CDKAL1: variants seen among roughly 807,000 people sequenced by gnomAD.
CDKAL1 encodes the protein threonylcarbamoyladenosine tRNA methylthiotransferase.
A neutral mutation model predicts 68.2 loss-of-function variants in CDKAL1; 32 were observed. The observed-to-expected ratio is 0.47, with a 90% CI of 0.35 to 0.63. The LOEUF (loss-of-function observed/expected upper bound fraction) is 0.63. Among genes scored for constraint, CDKAL1 ranks in the 30% least tolerant of loss-of-function variants. The pLI, the probability that CDKAL1 is intolerant of heterozygous loss-of-function variation, is 0.00. For missense variants in CDKAL1, 606 were observed against 696.7 expected (o/e 0.87, Z 1.47); for synonymous variants, 234 against 244.3 (o/e 0.96, Z 0.39).
chr6:20,855,605 A>C (rs1759294982), intron 9 of CDKAL1, among the ~76,000 whole-genome samples: 1 of 151,896 alleles, frequency 6.6e-6, no homozygotes, highest in Non-Finnish European at 1.5e-5. Context: ...GCTGTAAAGG[A>C]CTCCTGTTAT....
At chr6:20,937,327 A>T (rs907529284) in intron 9 of CDKAL1, among the ~76,000 whole-genome samples, 1 of 152,172 alleles carries the variant, frequency 6.6e-6, no homozygotes, top group Non-Finnish European at 1.5e-5. Context: ...GGATCAAGTG[A>T]TCATCCCTCC....
intron 15 of CDKAL1, among the ~76,000 whole-genome samples, chr6:21,212,774 T>A (rs1779200649): frequency 6.6e-6 from 1 of 152,236 alleles, no homozygotes. Context: ...AGCAGTGTTT[T>A]AAATTTAAAG....
At chr6:20,763,994 C>T (rs1418201903) in intron 7 of CDKAL1, among the ~76,000 whole-genome samples, 5 of 152,200 alleles carry the variant, frequency 3.3e-5, no homozygotes, top group South Asian at 2.1e-4. Flanking sequence ...AGAAATACAG[C>T]GTCTAGTGGA....
intron 8 of CDKAL1, among the ~76,000 whole-genome samples, chr6:20,785,147 T>G (rs1045522295): frequency 6.6e-6 from 1 of 152,106 alleles, no homozygotes; most frequent in Non-Finnish European, 1.5e-5. Context: ...ATTAAGAAAA[T>G]TTAATCCATA....
chr6:20,659,262 C>T (rs532968678), intron 5 of CDKAL1, among the ~76,000 whole-genome samples: 1 of 152,154 alleles, frequency 6.6e-6, no homozygotes, highest in African/African-American at 2.4e-5. Context: ...TTAAATAATA[C>T]TATAGTTTGT....
intron 13 of CDKAL1, among the ~76,000 whole-genome samples, chr6:21,191,925 C>G (rs1277504492): frequency 6.8e-6 from 1 of 146,948 alleles, no homozygotes; most frequent in Non-Finnish European, 1.5e-5. Flanking sequence ...CGCCTTCCTT[C>G]ACTTTAGTGA....
chr6:21,036,055 C>T (rs1169102897), intron 11 of CDKAL1, among the ~76,000 whole-genome samples: 1 of 152,112 alleles, frequency 6.6e-6, no homozygotes, highest in Non-Finnish European at 1.5e-5. Flanking sequence ...GTGGTTTGAT[C>T]TCAGAAAATA....
intron 15 of CDKAL1, among the ~76,000 whole-genome samples, chr6:21,224,661 C>A (rs1779671047): frequency 1.3e-5 from 2 of 152,184 alleles, no homozygotes; most frequent in Non-Finnish European, 2.9e-5. Flanking sequence ...CCTGGAGCCT[C>A]CAGAAGAATG....
At chr6:20,623,688 T>C (rs1216565963) in intron 4 of CDKAL1, among the ~76,000 whole-genome samples, 1 of 152,116 alleles carries the variant, frequency 6.6e-6, no homozygotes, top group Admixed American at 6.6e-5. Flanking sequence ...AAGTCATGGT[T>C]TCTGAAATAA....
intron 13 of CDKAL1, among the ~76,000 whole-genome samples, chr6:21,146,572 C>T (rs1347554956): frequency 1.3e-5 from 2 of 152,088 alleles, no homozygotes; most frequent in African/African-American, 2.4e-5. Flanking sequence ...TAAATTTGGC[C>T]CGGCGTGGTG....
chr6:21,016,736 T>A (rs1768362084), intron 11 of CDKAL1, among the ~76,000 whole-genome samples: 1 of 151,998 alleles, frequency 6.6e-6, no homozygotes, highest in South Asian at 2.1e-4. Context: ...TTGGACTTCC[T>A]CCTTACCTTC....
At position 20,739,601 on chromosome 6, in the gene CDKAL1, C is replaced by T. The variant is rs777494340; in HGVS notation, c.454C>T (p.Leu152=). Residue 152 remains leucine, a synonymous_variant, in exon 6 of 16, where the codon CTG becomes TTG. Coordinates refer to ENST00000274695, the MANE Select transcript of CDKAL1 (RefSeq NM_017774.3). ...GCCTCGCCAGGACTACCTTAAGGGA[C>T]TGAGTATCATTGGGGTAAGCTTGTA... ...AQPRQDYLKG[L]SIIGVQQIDR... The T allele has an allele frequency of 1.2e-6, 2 of 1,607,264 alleles. No individual in the cohort carries two copies. The highest frequency in any genetic ancestry group is 1.7e-6 in the Non-Finnish European group (2 of 1,174,546).
At chr6:21,230,596 A>T (rs1779927696) in intron 15 of CDKAL1, among the ~76,000 whole-genome samples, 1 of 152,082 alleles carries the variant, frequency 6.6e-6, no homozygotes, top group Non-Finnish European at 1.5e-5. Flanking sequence ...TTTTCTATAA[A>T]CACGGCCCGT....
intron 9 of CDKAL1, among the ~76,000 whole-genome samples, chr6:20,865,496 A>T (rs1385229485): frequency 7.2e-5 from 11 of 152,132 alleles, no homozygotes; most frequent in Non-Finnish European, 1.6e-4. Flanking sequence ...GCCAAGCAAA[A>T]CTTCTAGGCT....
chr6:20,862,895 T>G (rs1759719884), intron 9 of CDKAL1, among the ~76,000 whole-genome samples: 1 of 151,986 alleles, frequency 6.6e-6, no homozygotes, highest in South Asian at 2.1e-4. Context: ...GGTGTGGTGG[T>G]GGGTGCCTGT....
intron 9 of CDKAL1, among the ~76,000 whole-genome samples, chr6:20,877,711 C>T (rs1165654228): frequency 6.6e-6 from 1 of 152,236 alleles, no homozygotes; most frequent in Non-Finnish European, 1.5e-5. Flanking sequence ...TTGTTTTAAA[C>T]TTGTGCATTA....
chr6:20,722,760 C>T (rs994673792), intron 5 of CDKAL1, among the ~76,000 whole-genome samples: 1 of 152,086 alleles, frequency 6.6e-6, no homozygotes, highest in African/African-American at 2.4e-5. Flanking sequence ...TTGAATGTTG[C>T]CTTTTCCAAA....
intron 8 of CDKAL1, among the ~76,000 whole-genome samples, chr6:20,845,007 A>G (rs957633117): frequency 1.3e-5 from 2 of 152,194 alleles, no homozygotes; most frequent in Non-Finnish European, 2.9e-5. Flanking sequence ...TTTAAAATGT[A>G]TGTTACTTTA....
At chr6:20,986,526 G>A (rs1766462320) in intron 10 of CDKAL1, among the ~76,000 whole-genome samples, 1 of 151,678 alleles carries the variant, frequency 6.6e-6, no homozygotes, top group Non-Finnish European at 1.5e-5. Context: ...CTTATTTTAT[G>A]CGTTTTTTTT....
Sources: allele counts gnomAD v4.1 joint callset (sites outside exome capture counted in the v4.1 genomes callset), GRCh38; gene constraint gnomAD v4.1.1; transcripts MANE v1.5; gene names NCBI Gene and HGNC (gene_info 2026-07-23, HGNC 2026-07-21).